The following ELAVL2 variants were observed in gnomAD, a reference collection of about 807,000 sequenced individuals.
ELAVL2 encodes ELAV-like protein 2.
In ELAVL2, 4 loss-of-function variants were observed where a neutral mutation model predicts 34.6. The observed-to-expected ratio is 0.12, with a 90% CI of 0.06 to 0.26. The LOEUF is 0.26. ELAVL2 is among the 10% of genes least tolerant of loss of function. The pLI is 1.00. For missense variants in ELAVL2, 432 were observed against 442.8 expected, an observed-to-expected ratio of 0.98 and a Z score of 0.22; for synonymous variants, 193 against 154.8, an observed-to-expected ratio of 1.25 and a Z score of -1.83.
Position 23,712,010 on chromosome 9 carries a change from C to A in ELAVL2, c.334-6939G>T, listed in dbSNP as rs1198389962. Among the ~76,000 whole-genome samples the A allele has an allele frequency of 3.3e-5, 5 of 152,244 alleles. No individual in the cohort carries two copies. In the East Asian group the frequency reaches 9.6e-4, roughly 29 times the overall value. ...TCATTTCAAAAATGAAATTTCATTT[C>A]TCAAATTGGGGATTCAAGTCCCCAG... On this transcript the variant is annotated intron_variant, in intron 3 of 6. Coordinates refer to ENST00000397312, the MANE Select transcript of ELAVL2 (RefSeq NM_004432.5).
intron 4 of ELAVL2, among the ~76,000 whole-genome samples, chr9:23,702,665 G>C (rs1303615814): frequency 6.6e-6 from 1 of 151,396 alleles, no homozygotes. Context: ...TTCTAATGTA[G>C]ACAAAGCATT....
intron 1 of ELAVL2, among the ~76,000 whole-genome samples, chr9:23,767,164 G>A (rs1256876660): frequency 6.6e-6 from 1 of 152,124 alleles, no homozygotes; most frequent in Non-Finnish European, 1.5e-5. Flanking sequence ...ATAGAAGATT[G>A]TCTCTACTTT....
intron 2 of ELAVL2, among the ~76,000 whole-genome samples, chr9:23,748,046 A>G (rs997899967): frequency 6.6e-6 from 1 of 152,256 alleles, no homozygotes; most frequent in African/African-American, 2.4e-5. Flanking sequence ...AGGTTGCTTC[A>G]GAAAGATATT....
At chr9:23,814,886 T>C (rs867634324) in intron 1 of ELAVL2, among the ~76,000 whole-genome samples, 5 of 152,196 alleles carry the variant, frequency 3.3e-5, no homozygotes, top group African/African-American at 4.8e-5. Context: ...CCTTACCCAA[T>C]TCACTGAATT....
chr9:23,706,941 A>G (rs1016860875), intron 3 of ELAVL2, among the ~76,000 whole-genome samples: 1 of 152,186 alleles, frequency 6.6e-6, no homozygotes, highest in Admixed American at 6.5e-5. Flanking sequence ...GTTAACATTT[A>G]ATACTCTTCT....
At chr9:23,773,002 C>A (rs1341944820) in intron 1 of ELAVL2, among the ~76,000 whole-genome samples, 3 of 152,064 alleles carry the variant, frequency 2.0e-5, no homozygotes, top group Non-Finnish European at 4.4e-5. Context: ...ACAAAACACA[C>A]CTAGGTACAT....
rs783453 is a variant in ELAVL2, at chr9:23,814,498, G to C, written c.-16+11308C>G. ...GGAGACTATGGAGAAGGGAAGAGAT[G>C]AAAGTCAAAAGCACTGATGACCTCG... is the stretch of plus-strand genomic sequence containing the variant. On this transcript the variant is annotated intron_variant, in intron 1 of 6. Transcript: ENST00000397312. Among the ~76,000 whole-genome samples, 392 of 152,264 alleles carry C rather than the reference G, an allele frequency of 2.6e-3. 2 individuals carry two copies. The highest frequency in any genetic ancestry group is 9.0e-3 in the African/African-American group (375 of 41,552).
At chr9:23,840,710 G>A in the ELAVL2 span, among the ~76,000 whole-genome samples, 2 of 152,108 alleles carry the variant, frequency 1.3e-5, no homozygotes, top group African/African-American at 2.4e-5. Context: ...ATAACCCCGG[G>A]AAATTGCAGT....
At position 23,704,511 on chromosome 9, in the gene ELAVL2, T is replaced by A. The variant is rs552642262; in HGVS notation, c.487+407A>T. ...CCTGAACAGCAATTACCAGTGTGGA[T>A]GTAGTGTAATCCTCCCTTGGAGAAC... On this transcript the variant is annotated intron_variant, in intron 4 of 6. Coordinates refer to ENST00000397312, the MANE Select transcript of ELAVL2 (RefSeq NM_004432.5). Among the ~76,000 whole-genome samples the A allele has an allele frequency of 2.0e-5, 3 of 152,252 alleles. No homozygotes were observed. The East Asian group carries it at 5.8e-4, about 29-fold the overall frequency.
chr9:23,740,814 T>G (rs893999136), intron 2 of ELAVL2, among the ~76,000 whole-genome samples: 1 of 152,150 alleles, frequency 6.6e-6, no homozygotes, highest in African/African-American at 2.4e-5. Context: ...TTTTCCAAAC[T>G]CAGAAAGCAG....
chr9:23,695,325 C>A (rs930777819), intron 5 of ELAVL2, among the ~76,000 whole-genome samples: 2 of 152,256 alleles, frequency 1.3e-5, no homozygotes, highest in Non-Finnish European at 1.5e-5. Context: ...TGCAGAGGCA[C>A]CTTATCAATT....
upstream of ELAVL2, among the ~76,000 whole-genome samples, chr9:23,827,754 G>A (rs1318221123): frequency 6.6e-6 from 1 of 152,164 alleles, no homozygotes; most frequent in Admixed American, 6.5e-5. Context: ...ACTTTGAAGT[G>A]AGGAATACAG....
intron 1 of ELAVL2, among the ~76,000 whole-genome samples, chr9:23,776,485 G>C (rs1337951945): frequency 1.3e-5 from 2 of 151,978 alleles, no homozygotes; most frequent in Non-Finnish European, 2.9e-5. Flanking sequence ...ACCAAAAAGA[G>C]GAGTAAAGAA....
At chr9:23,712,686 CAG>C (rs1324822056) in intron 3 of ELAVL2, among the ~76,000 whole-genome samples, 1 of 152,092 alleles carries the variant, frequency 6.6e-6, no homozygotes, top group African/African-American at 2.4e-5. Context: ...AACAGGAAAA[CAG>C]AATGGCAACT....
chr9:23,828,608 A>G (rs1482084190), upstream of ELAVL2, among the ~76,000 whole-genome samples: 3 of 152,184 alleles, frequency 2.0e-5, no homozygotes, highest in Non-Finnish European at 4.4e-5. Flanking sequence ...AATTCTGTAG[A>G]TTCAGTATTT....
intron 4 of ELAVL2, among the ~76,000 whole-genome samples, chr9:23,702,154 T>C (rs2037481710): frequency 6.6e-6 from 1 of 152,206 alleles, no homozygotes; most frequent in African/African-American, 2.4e-5. Flanking sequence ...GCATAGGATA[T>C]AGGTCCTTTA....
intron 1 of ELAVL2, among the ~76,000 whole-genome samples, chr9:23,784,040 AC>A (rs1445646014): frequency 6.6e-6 from 1 of 152,074 alleles, no homozygotes; most frequent in Admixed American, 6.5e-5. Context: ...TAAAAAAAAT[AC>A]AAAAAAATTA....
At chr9:23,709,217 C>CTA (rs1200541194) in intron 3 of ELAVL2, among the ~76,000 whole-genome samples, 1 of 152,136 alleles carries the variant, frequency 6.6e-6, no homozygotes, top group African/African-American at 2.4e-5. Flanking sequence ...TTCCCTTCCA[C>CTA]TATCAAGGAT....
intron 2 of ELAVL2, among the ~76,000 whole-genome samples, chr9:23,759,754 T>TTTTATATATA (rs1279843264): frequency 6.6e-4 from 54 of 81,344 alleles, no homozygotes; most frequent in South Asian, 9.6e-4. Flanking sequence ...ATATATAGTA[T>TTTTATATATA]TATATATATA....
Sources: allele counts gnomAD v4.1 joint callset (sites outside exome capture counted in the v4.1 genomes callset), GRCh38; gene constraint gnomAD v4.1.1; transcripts MANE v1.5; gene names NCBI Gene and HGNC (gene_info 2026-07-23, HGNC 2026-07-21).